Variants in CAMKMT observed in about 807,000 individuals in gnomAD.
CAMKMT encodes the protein CaM KMT.
CAMKMT carries 53 observed loss-of-function variants against 48.0 expected under a neutral mutation model. The observed-to-expected ratio is 1.10, with a 90% CI of 0.89 to 1.39. The LOEUF is 1.39. Ranked by LOEUF, CAMKMT falls within the 40% of genes most tolerant of loss-of-function variation. The pLI is 0.00. For synonymous variants in CAMKMT, 165 were observed against 152.3 expected, an observed-to-expected ratio of 1.08 and a Z score of -0.61; for missense variants, 428 against 402.7, an observed-to-expected ratio of 1.06 and a Z score of -0.54.
intron 3 of CAMKMT, among the ~76,000 whole-genome samples, chr2:44,433,738 A>G (rs1399360009): frequency 6.6e-6 from 1 of 152,214 alleles, no homozygotes; most frequent in Non-Finnish European, 1.5e-5. Flanking sequence ...ATGCTTACAT[A>G]TGGCTTATGC....
intron 3 of CAMKMT, among the ~76,000 whole-genome samples, chr2:44,606,728 GA>G (rs1227878217): frequency 6.6e-6 from 1 of 151,690 alleles, no homozygotes. Context: ...TACCCTTTCA[GA>G]ATATAAACAA....
chr2:44,503,340 G>A (rs1175439780), intron 3 of CAMKMT, among the ~76,000 whole-genome samples: 1 of 152,076 alleles, frequency 6.6e-6, no homozygotes, highest in Non-Finnish European at 1.5e-5. Context: ...AAAGAGGATA[G>A]AATATAAGAG....
rs539709066 is a variant in CAMKMT at position 44,508,087 on chromosome 2, T to C, written c.376+117782T>C. Among the ~76,000 whole-genome samples, 69 of 152,318 alleles carry C rather than the reference T, an allele frequency of 4.5e-4. 1 individual carries two copies. The South Asian group carries it at 0.014, about 31-fold the overall frequency. ...GGTAATGTGAAAAGTTTCTAAGTAC[T>C]TTAATGTAATGACCTTGTCTTGAAC... On this transcript the variant is annotated intron_variant, in intron 3 of 10. Coordinates refer to ENST00000378494, the MANE Select transcript of CAMKMT (RefSeq NM_024766.5).
intron 3 of CAMKMT, among the ~76,000 whole-genome samples, chr2:44,636,224 T>G (rs1216108682): frequency 6.6e-6 from 1 of 152,012 alleles, no homozygotes; most frequent in Non-Finnish European, 1.5e-5. Flanking sequence ...GTTTTAGAGG[T>G]CCCAGAAATC....
intron 3 of CAMKMT, among the ~76,000 whole-genome samples, chr2:44,471,890 A>C (rs1668438897): frequency 1.3e-5 from 2 of 152,048 alleles, no homozygotes; most frequent in South Asian, 4.2e-4. Flanking sequence ...CACATAGAGA[A>C]GACTGGTCTC....
chr2:44,502,509 G>A (rs565364330), intron 3 of CAMKMT, among the ~76,000 whole-genome samples: 1 of 152,170 alleles, frequency 6.6e-6, no homozygotes, highest in Non-Finnish European at 1.5e-5. Context: ...TTAATCTGAT[G>A]CACTAATCAC....
chr2:44,717,175 T>C (rs1288122741), intron 7 of CAMKMT, among the ~76,000 whole-genome samples: 4 of 152,204 alleles, frequency 2.6e-5, no homozygotes, highest in African/African-American at 7.2e-5. Context: ...ATTGCTCTGA[T>C]ATGTACCTGG....
intron 3 of CAMKMT, among the ~76,000 whole-genome samples, chr2:44,645,540 A>T (rs1036596212): frequency 2.0e-5 from 3 of 152,022 alleles, no homozygotes; most frequent in Non-Finnish European, 4.4e-5. Flanking sequence ...AAGAATCTAG[A>T]CCGGGCACAA....
intron 3 of CAMKMT, among the ~76,000 whole-genome samples, chr2:44,439,380 C>G (rs1305155574): frequency 6.6e-6 from 1 of 152,078 alleles, no homozygotes; most frequent in African/African-American, 2.4e-5. Flanking sequence ...GTAGTACTTC[C>G]CTTCTTAAAA....
At chr2:44,628,033 T>A (rs1672592909) in intron 3 of CAMKMT, among the ~76,000 whole-genome samples, 1 of 152,056 alleles carries the variant, frequency 6.6e-6, no homozygotes, top group Non-Finnish European at 1.5e-5. Context: ...CTATAGGAAC[T>A]GTAGCAATCA....
chr2:44,476,052 T>G lies in CAMKMT; in HGVS notation c.376+85747T>G, dbSNP rs182230794. Among the ~76,000 whole-genome samples, 85 of 152,316 alleles carry G rather than the reference T, an allele frequency of 5.6e-4. 1 individual carries two copies. The East Asian group carries it at 0.014, about 25-fold the overall frequency. ...CACTATTAAAAAGGAAAGAATGAGG[T>G]TATCTTGCTGACAATTTAAAGAAAA... On this transcript the variant is annotated intron_variant, in intron 3 of 10. Transcript: ENST00000378494.
At chr2:44,533,254 T>C (rs936036596) in intron 3 of CAMKMT, among the ~76,000 whole-genome samples, 3 of 152,056 alleles carry the variant, frequency 2.0e-5, no homozygotes. Context: ...TTTTTTTTTT[T>C]TGAGACAGAG....
At chr2:44,491,749 C>A (rs1229677148) in intron 3 of CAMKMT, among the ~76,000 whole-genome samples, 2 of 152,020 alleles carry the variant, frequency 1.3e-5, no homozygotes, top group African/African-American at 4.8e-5. Context: ...TGTTGCTGTT[C>A]TTTTACCTAT....
At chr2:44,612,450 G>C (rs1287752375) in intron 3 of CAMKMT, among the ~76,000 whole-genome samples, 1 of 152,138 alleles carries the variant, frequency 6.6e-6, no homozygotes, top group Non-Finnish European at 1.5e-5. Flanking sequence ...AAGGCAAAAA[G>C]GAGAGTTAAC....
chr2:44,595,715 CA>C (rs1670611100), intron 3 of CAMKMT, among the ~76,000 whole-genome samples: 1 of 152,112 alleles, frequency 6.6e-6, no homozygotes. Context: ...TTCACAATAG[CA>C]AAGACTTGGA....
intron 3 of CAMKMT, among the ~76,000 whole-genome samples, chr2:44,605,010 A>C (rs1671205104): frequency 1.3e-5 from 2 of 152,138 alleles, no homozygotes; most frequent in African/African-American, 4.8e-5. Context: ...ACTGAGATAA[A>C]AAGTTGAGGA....
intron 7 of CAMKMT, among the ~76,000 whole-genome samples, chr2:44,717,270 A>G (rs536774018): frequency 9.6e-4 from 146 of 152,220 alleles, no homozygotes; most frequent in Non-Finnish European, 1.9e-3. Flanking sequence ...TCTCATACTA[A>G]TTGTGGTCAG....
chr2:44,497,744 G>GAGAGAGAGAGAGAGAGAGT, intron 3 of CAMKMT, among the ~76,000 whole-genome samples: 1 of 100,026 alleles, frequency 1.0e-5, no homozygotes, highest in East Asian at 3.3e-4. Context: ...AGAGAGAGAG[G>GAGAGAGAGAGAGAGAGAGT]GATAGTATAT....
At chr2:44,644,930 G>T (rs1673650166) in intron 3 of CAMKMT, among the ~76,000 whole-genome samples, 1 of 152,168 alleles carries the variant, frequency 6.6e-6, no homozygotes, top group Non-Finnish European at 1.5e-5. Context: ...CCCTGAGTTG[G>T]AGAAGCAAGA....
Sources: gnomAD v4.1 joint callset for allele counts (sites outside exome capture counted in the v4.1 genomes callset) on GRCh38, gnomAD v4.1.1 for gene constraint, MANE v1.5 for transcripts, NCBI Gene and HGNC (gene_info 2026-07-23, HGNC 2026-07-21) for gene names.